SLC13A3: variants seen among roughly 807,000 people sequenced by gnomAD.
The protein encoded by SLC13A3 is Na(+)/dicarboxylate cotransporter 3.
In SLC13A3, 40 loss-of-function variants were observed where a neutral mutation model predicts 59.0. The observed-to-expected ratio is 0.68, with a 90% confidence interval of 0.53 to 0.88. The LOEUF is 0.88. Among genes scored for constraint, SLC13A3 ranks in the 40% least tolerant of loss-of-function variants. The pLI, the probability that SLC13A3 is intolerant of heterozygous loss-of-function variation, is 0.00. For missense variants in SLC13A3, 699 were observed against 783.2 expected (o/e 0.89, Z 1.28); for synonymous variants, 317 against 330.3 (o/e 0.96, Z 0.44).
chr20:46,582,518 A>T, intron 9 of SLC13A3: 1 of 468,216 alleles, frequency 2.1e-6, no homozygotes, highest in Non-Finnish European at 2.8e-6. Flanking sequence ...TGGGAGGTTC[A>T]CTGGAGCCCA....
chr20:46,585,201 T>C (rs2062178733), intron 8 of SLC13A3: 1 of 982,182 alleles, frequency 1.0e-6, no homozygotes, highest in African/African-American at 1.7e-5. Context: ...CATATTATTA[T>C]ATTTTACAGT....
chr20:46,597,168 G>A (rs967459748), intron 4 of SLC13A3, among the ~76,000 whole-genome samples: 2 of 152,106 alleles, frequency 1.3e-5, no homozygotes, highest in Middle Eastern at 3.2e-3. Context: ...TCCCAGGAGT[G>A]GAATTACATA....
At chr20:46,574,185 C>T (rs997157916) in intron 10 of SLC13A3, among the ~76,000 whole-genome samples, 1 of 152,156 alleles carries the variant, frequency 6.6e-6, no homozygotes, top group Non-Finnish European at 1.5e-5. Flanking sequence ...ATTCACGAAG[C>T]ACTTCAAACA....
chr20:46,630,950 C>A lies in SLC13A3; in HGVS notation c.112-17225G>T, dbSNP rs2745725. On this transcript the variant is annotated intron_variant, in intron 1 of 12. Transcript: ENST00000279027. ...AGAGATGGTTATTAATATAAGGTAA[C>A]CACTGACCCAGTGATTGATACATAC... Among the ~76,000 whole-genome samples, 761 of 152,270 alleles carry A rather than the reference C, an allele frequency of 5.0e-3. 6 individuals carry two copies. Among genetic ancestry groups the A allele is most frequent in the African/African-American group, 0.017 (726 of 41,542 alleles).
upstream of SLC13A3, among the ~76,000 whole-genome samples, chr20:46,652,442 G>A (rs372092073): frequency 3.9e-5 from 6 of 151,954 alleles, no homozygotes; most frequent in East Asian, 7.7e-4. Flanking sequence ...AGGCTGGGCT[G>A]GGGAGCAGTG....
chr20:46,591,097 G>A lies in SLC13A3; in HGVS notation c.920+1307C>T, dbSNP rs535191134. Among the ~76,000 whole-genome samples, 3 of 152,142 alleles carry A rather than the reference G, an allele frequency of 2.0e-5. No individual in the cohort carries two copies. In the South Asian group the frequency reaches 6.2e-4, roughly 32 times the overall value. On this transcript the variant is annotated intron_variant, in intron 6 of 12. Coordinates refer to ENST00000279027, the MANE Select transcript of SLC13A3 (RefSeq NM_022829.6). ...AGGCAGGAGAATGGCCTGAACCTGG[G>A]AGGTGGAGGTTGCACTCCGACATGG...
At chr20:46,615,697 A>G (rs1307201188) in intron 1 of SLC13A3, among the ~76,000 whole-genome samples, 4 of 152,206 alleles carry the variant, frequency 2.6e-5, no homozygotes, top group African/African-American at 7.2e-5. Context: ...CACTGTCACC[A>G]ATTTCCATAC....
rs747489579 is a variant in SLC13A3, at chr20:46,608,983, T to C, written c.541+1463A>G. ...ATATTCCATTGACCAGACTCAGTTATCTGACCAAGTCTTATCACAAGGGGA... is the reference window on the plus strand; with the variant it reads ...ATATTCCATTGACCAGACTCAGTTACCTGACCAAGTCTTATCACAAGGGGA... On this transcript the variant is annotated intron_variant, in intron 3 of 12. Coordinates refer to ENST00000279027, the MANE Select transcript of SLC13A3 (RefSeq NM_022829.6). The C allele has an allele frequency of 4.4e-4, 679 of 1,550,644 alleles. 2 individuals carry two copies. Among genetic ancestry groups the C allele is most frequent in the Non-Finnish European group, 5.8e-4 (665 of 1,147,028 alleles).
chr20:46,608,828 G>C, intron 3 of SLC13A3: 2 of 1,504,720 alleles, frequency 1.3e-6, no homozygotes, highest in Non-Finnish European at 1.8e-6. Context: ...ATGATCCAAA[G>C]CCACAGGGGC....
At chr20:46,626,428 C>G (rs555375080) in intron 1 of SLC13A3, among the ~76,000 whole-genome samples, 3 of 152,234 alleles carry the variant, frequency 2.0e-5, no homozygotes, top group Non-Finnish European at 4.4e-5. Context: ...CCAGATACAG[C>G]ACATGTCAGC....
At chr20:46,575,537 C>T (rs1197443330) in intron 10 of SLC13A3, 36 bp downstream of exon 10, 45 of 1,338,254 alleles carry the variant, frequency 3.4e-5, no homozygotes, top group Non-Finnish European at 4.5e-5. Context: ...CTGCCTCCCA[C>T]TGTTCCTGCT....
intron 1 of SLC13A3, 141 bp from the exon 2 acceptor site, chr20:46,613,866 G>A: frequency 1.4e-6 from 1 of 721,326 alleles, no homozygotes; most frequent in Non-Finnish European, 2.2e-6. Context: ...GCCTGCCCCG[G>A]CTTGTTCTCA....
intron 8 of SLC13A3, among the ~76,000 whole-genome samples, chr20:46,587,370 C>A (rs1248772271): frequency 6.6e-6 from 1 of 151,120 alleles, no homozygotes; most frequent in East Asian, 1.9e-4. Context: ...AGAAAAAAAA[C>A]AAACCAAAAT....
At chr20:46,610,303 C>T (rs1163874034) in intron 3 of SLC13A3, 143 bp downstream of exon 3, 4 of 784,664 alleles carry the variant, frequency 5.1e-6, no homozygotes, top group Non-Finnish European at 8.2e-6. Context: ...AATTATCAGT[C>T]ATTGTCATAA....
chr20:46,600,295 G>GA, intron 3 of SLC13A3, among the ~76,000 whole-genome samples: 1 of 86,544 alleles, frequency 1.2e-5, no homozygotes, highest in Non-Finnish European at 2.1e-5. Context: ...GGGAGGGAAA[G>GA]AAAGAAAGAA....
At chr20:46,663,058 G>A (rs1355419398) in intron 1 of SLC13A3, among the ~76,000 whole-genome samples, 1 of 152,160 alleles carries the variant, frequency 6.6e-6, no homozygotes, top group Non-Finnish European at 1.5e-5. Context: ...GGGAGGCCGA[G>A]GTAGGATTGC....
chr20:46,579,723 C>T (rs1445378128), intron 9 of SLC13A3, among the ~76,000 whole-genome samples: 2 of 152,138 alleles, frequency 1.3e-5, no homozygotes, highest in Non-Finnish European at 2.9e-5. Context: ...TGTTGTTGGC[C>T]CACATAGTAT....
chr20:46,561,975 T>G lies in SLC13A3; in HGVS notation c.1632+1439A>C, dbSNP rs147636099. Among the ~76,000 whole-genome samples, 1,036 of 152,160 alleles carry G rather than the reference T, an allele frequency of 6.8e-3. 24 individuals are homozygous for G. In the East Asian group the frequency reaches 0.077, roughly 11 times the overall value. On this transcript the variant is annotated intron_variant, in intron 12 of 12. Transcript: ENST00000279027. Reference sequence around the variant, plus strand: ...CTGCCCGGGACTGGCTGACCGGGGGTGCCCCTTGTACCCCTCCACATCTCT... The same window carrying G: ...CTGCCCGGGACTGGCTGACCGGGGGGGCCCCTTGTACCCCTCCACATCTCT...
chr20:46,680,745 C>T (rs1472557354), intron 1 of SLC13A3, among the ~76,000 whole-genome samples: 1 of 152,220 alleles, frequency 6.6e-6, no homozygotes, highest in Non-Finnish European at 1.5e-5. Context: ...TCCCTCTGCC[C>T]GCTCCTGTGT....
Sources: allele counts gnomAD v4.1 joint callset (sites outside exome capture counted in the v4.1 genomes callset), GRCh38; gene constraint gnomAD v4.1.1; transcripts MANE v1.5; gene names NCBI Gene and HGNC (gene_info 2026-07-23, HGNC 2026-07-21).